EYA1: variants seen among roughly 807,000 people sequenced by gnomAD.
EYA1 encodes EYA transcriptional coactivator and phosphatase 1.
In EYA1, 16 loss-of-function variants were observed where a neutral mutation model predicts 82.0. The observed-to-expected ratio is 0.20, with a 90% CI of 0.13 to 0.30. The LOEUF is 0.30. Among genes scored for constraint, EYA1 ranks in the 10% least tolerant of loss-of-function variants. The pLI is 1.00. For missense variants in EYA1, 633 were observed against 730.7 expected (o/e 0.87, Z 1.54); for synonymous variants, 261 against 264.4 (o/e 0.99, Z 0.12).
intron 10 of EYA1, among the ~76,000 whole-genome samples, chr8:71,271,144 G>A (rs1406435436): frequency 1.3e-5 from 2 of 152,102 alleles, no homozygotes; most frequent in African/African-American, 2.4e-5. Context: ...TTTATTTTTT[G>A]TATTTTTAAT....
At chr8:71,284,203 G>T (rs767546991) in intron 9 of EYA1, among the ~76,000 whole-genome samples, 3 of 152,198 alleles carry the variant, frequency 2.0e-5, no homozygotes, top group Non-Finnish European at 4.4e-5. Flanking sequence ...AAAGGAGAGG[G>T]GCTGCCCACA....
intron 12 of EYA1, among the ~76,000 whole-genome samples, chr8:71,243,642 G>T (rs191626464): frequency 6.6e-6 from 1 of 152,136 alleles, no homozygotes; most frequent in Non-Finnish European, 1.5e-5. Context: ...TGAACAAACC[G>T]CATTTAAGTT....
chr8:71,313,781 GTCTT>G (rs1195210713), intron 7 of EYA1, among the ~76,000 whole-genome samples: 2 of 152,124 alleles, frequency 1.3e-5, no homozygotes, highest in Non-Finnish European at 2.9e-5. Flanking sequence ...CTTTACTCCA[GTCTT>G]TCTAAGTCTG....
chr8:71,326,433 C>T (rs777176227), intron 4 of EYA1, among the ~76,000 whole-genome samples: 1 of 150,874 alleles, frequency 6.6e-6, no homozygotes, highest in African/African-American at 2.5e-5. Context: ...TCACTCTGTT[C>T]CAGTCACCAA....
intron 4 of EYA1, among the ~76,000 whole-genome samples, chr8:71,330,201 T>C (rs1283502165): frequency 6.6e-6 from 1 of 152,158 alleles, no homozygotes; most frequent in Admixed American, 6.5e-5. Flanking sequence ...GGGTCTGAAC[T>C]GAAGAATCGG....
intron 1 of EYA1, among the ~76,000 whole-genome samples, chr8:71,543,526 G>C (rs1815316096): frequency 6.6e-6 from 1 of 152,142 alleles, no homozygotes; most frequent in South Asian, 2.1e-4. Flanking sequence ...TTTAGTTTCT[G>C]ATAGATGGTG....
chr8:71,395,434 T>A (rs899613308), intron 2 of EYA1, among the ~76,000 whole-genome samples: 5 of 152,250 alleles, frequency 3.3e-5, no homozygotes, highest in Non-Finnish European at 5.9e-5. Context: ...GGGTTTGTCA[T>A]AGATAGCTCT....
chr8:71,471,011 T>A (rs1323122737), intron 2 of EYA1: 2 of 416,530 alleles, frequency 4.8e-6, no homozygotes, highest in Non-Finnish European at 9.4e-6. Context: ...CTTTAAAAAA[T>A]TTATTGCTTT....
chr8:71,517,953 A>G (rs1372213207), intron 2 of EYA1, among the ~76,000 whole-genome samples: 2 of 151,890 alleles, frequency 1.3e-5, no homozygotes, highest in Non-Finnish European at 2.9e-5. Flanking sequence ...ATGTTTTTTA[A>G]TCATAAATTC....
chr8:71,477,506 C>T (rs992585260), intron 2 of EYA1, among the ~76,000 whole-genome samples: 1 of 151,668 alleles, frequency 6.6e-6, no homozygotes, highest in Non-Finnish European at 1.5e-5. Flanking sequence ...AAAACTGCAA[C>T]GAGATACCTA....
chr8:71,402,420 C>A (rs1830007172), intron 2 of EYA1, among the ~76,000 whole-genome samples: 1 of 152,106 alleles, frequency 6.6e-6, no homozygotes, highest in Non-Finnish European at 1.5e-5. Context: ...AGGTATGGGG[C>A]TTTGTAAAGA....
chr8:71,301,286 A>G (rs1015390400), intron 7 of EYA1, among the ~76,000 whole-genome samples: 1 of 152,184 alleles, frequency 6.6e-6, no homozygotes, highest in East Asian at 1.9e-4. Flanking sequence ...CCACTCTAAA[A>G]CATAATTTCC....
intron 14 of EYA1, among the ~76,000 whole-genome samples, chr8:71,216,301 T>G (rs1395633743): frequency 6.6e-6 from 1 of 152,204 alleles, no homozygotes; most frequent in East Asian, 1.9e-4. Context: ...AAAGCCATTA[T>G]GAACCAAAGT....
At chr8:71,357,260 G>A (rs1294607315) in intron 1 of EYA1, among the ~76,000 whole-genome samples, 2 of 152,184 alleles carry the variant, frequency 1.3e-5, no homozygotes, top group Admixed American at 6.5e-5. Flanking sequence ...TTAAACCGAG[G>A]AAGAAAATGG....
At chr8:71,269,308 G>C (rs1816235380) in intron 11 of EYA1, among the ~76,000 whole-genome samples, 1 of 152,298 alleles carries the variant, frequency 6.6e-6, no homozygotes, top group South Asian at 2.1e-4. Context: ...GACATTTGTA[G>C]CAGTTGTTTT....
chr8:71,241,474 A>G (rs1042188694), intron 12 of EYA1, among the ~76,000 whole-genome samples: 1 of 152,188 alleles, frequency 6.6e-6, no homozygotes, highest in African/African-American at 2.4e-5. Flanking sequence ...GAGGGGGTGT[A>G]TTTCACTAGT....
chr8:71,381,126 C>T lies in EYA1; in HGVS notation c.34-24615G>A, dbSNP rs557912290. Among the ~76,000 whole-genome samples the T allele has an allele frequency of 7.2e-5, 11 of 152,296 alleles. No homozygotes were observed. In the East Asian group the frequency reaches 1.7e-3, roughly 24 times the overall value. The stretch of plus-strand genomic sequence containing the variant: ...GAATCCATAAAGCAGCTGGCCAGGC[C>T]CTCCACAGTCTAGATCTGGTCCCCT... On this transcript the variant is annotated intron_variant, in intron 2 of 18. Transcript: ENST00000643681.
chr8:71,334,345 A>G, intron 3 of EYA1, 171 bp from the exon 4 acceptor site: 1 of 689,240 alleles, frequency 1.5e-6, no homozygotes, highest in Non-Finnish European at 2.6e-6. Context: ...AAATTCACAT[A>G]TTAAGTTCTT....
At position 71,439,048 on chromosome 8, in the gene EYA1, G is replaced by T. The variant is rs116329099; in HGVS notation, c.34-82537C>A. 7.8e-3 allele frequency among the ~76,000 whole-genome samples: 1,191 copies of T among 152,132 alleles called. 23 individuals are homozygous for T. Among genetic ancestry groups the T allele is most frequent in the African/African-American group, 0.027 (1,104 of 41,492 alleles). The stretch of plus-strand genomic sequence containing the variant: ...GGTAGCAAGGAGCAAACCAAGCAGG[G>T]ACCCAAATATGAGGTCAGAGATTTT... On this transcript the variant is annotated intron_variant, in intron 2 of 18. Transcript: ENST00000643681.
Sources: allele counts gnomAD v4.1 joint callset (sites outside exome capture counted in the v4.1 genomes callset), GRCh38; gene constraint gnomAD v4.1.1; transcripts MANE v1.5; gene names NCBI Gene and HGNC (gene_info 2026-07-23, HGNC 2026-07-21).